GNA12: variants seen among roughly 807,000 people sequenced by gnomAD.
GNA12 encodes G protein subunit alpha 12.
GNA12 carries 9 observed loss-of-function variants against 26.0 expected under a neutral mutation model. That is an observed-to-expected ratio of 0.35 (90% CI 0.21 to 0.60). The LOEUF is 0.60. GNA12 is among the 20% of genes least tolerant of loss of function. The pLI is 0.78. For synonymous variants in GNA12, 264 were observed against 219.6 expected (o/e 1.20, Z -1.79); for missense variants, 405 against 525.8 (o/e 0.77, Z 2.25).
chr7:2,767,456 G>T (rs1791835734), intron 2 of GNA12, among the ~76,000 whole-genome samples: 1 of 152,160 alleles, frequency 6.6e-6, no homozygotes. Context: ...TAGCTATGCT[G>T]CATTCCACTG....
chr7:2,755,211 C>T (rs1204706418), intron 2 of GNA12, among the ~76,000 whole-genome samples: 3 of 152,198 alleles, frequency 2.0e-5, no homozygotes, highest in African/African-American at 7.2e-5. Context: ...GCCCCTCCCA[C>T]TTTATTCTTT....
intron 2 of GNA12, among the ~76,000 whole-genome samples, chr7:2,771,017 G>A (rs768499220): frequency 6.6e-6 from 1 of 152,190 alleles, no homozygotes; most frequent in Non-Finnish European, 1.5e-5. Flanking sequence ...AAGGCCAGGC[G>A]CCGTGGCTCA....
intron 2 of GNA12, chr7:2,762,808 GGCCTCCCATCC>G (rs765090858): frequency 5.7e-5 from 87 of 1,529,922 alleles, no homozygotes; most frequent in Non-Finnish European, 7.3e-5. Context: ...CACTCAGGGC[GGCCTCCCATCC>G]GCCACACACC....
In GNA12 at chr7:2,731,532, C is replaced by T. The variant is rs1405863468; in HGVS notation, c.795G>A (p.Arg265=). 1 of 1,611,818 alleles carries T rather than the reference C, an allele frequency of 6.2e-7. No homozygotes were observed. Among genetic ancestry groups the T allele is most frequent in the Non-Finnish European group, 8.5e-7 (1 of 1,178,488 alleles). ...SEYDQVLMED[R]RTNRLVESMN... is the part of the protein sequence containing the mutation. Reference sequence around the variant, plus strand: ...TGGACTCCACCAGCCGGTTGGTGCGCCTGTCCTCCATGAGGACCTGGTCGT... The same window carrying T: ...TGGACTCCACCAGCCGGTTGGTGCGTCTGTCCTCCATGAGGACCTGGTCGT... Residue 265 remains arginine, a synonymous_variant, in exon 4 of 4, where the codon AGG becomes AGA. Transcript: ENST00000275364. This position sits in a 1 kb window ranked among gnomAD's most constrained non-coding sequence, Gnocchi z 6.0.
intron 2 of GNA12, among the ~76,000 whole-genome samples, chr7:2,751,193 G>C (rs1456881423): frequency 1.3e-5 from 2 of 151,924 alleles, no homozygotes; most frequent in African/African-American, 4.8e-5. Context: ...TTCAAGACCT[G>C]GGCAACATGG....
Position 2,818,624 on chromosome 7 carries a change from A to G in GNA12, c.310-23481T>C, listed in dbSNP as rs113576097. ...ATAAAAATACAAACAATATTTGGGC[A>G]TGGTGGCGTAGCCCTGTAGTCCCAG... On this transcript the variant is annotated intron_variant, in intron 1 of 3. Transcript: ENST00000275364. Among the ~76,000 whole-genome samples the G allele has an allele frequency of 7.5e-3, 1,143 of 152,246 alleles. 15 individuals are homozygous for G. Among genetic ancestry groups the G allele is most frequent in the African/African-American group, 0.026 (1,082 of 41,546 alleles).
At chr7:2,787,625 C>G (rs141833057) in intron 2 of GNA12, among the ~76,000 whole-genome samples, 4 of 152,226 alleles carry the variant, frequency 2.6e-5, no homozygotes, top group African/African-American at 9.6e-5. Flanking sequence ...AGCCAAGACA[C>G]AGAGGCTTAA....
intron 1 of GNA12, chr7:2,814,784 T>A: frequency 8.3e-7 from 1 of 1,203,888 alleles, no homozygotes; most frequent in Non-Finnish European, 1.2e-6. Flanking sequence ...CTAGAAAGGG[T>A]TCCCTGACCT....
intron 2 of GNA12, among the ~76,000 whole-genome samples, chr7:2,780,431 C>A (rs546831433): frequency 2.0e-5 from 3 of 151,844 alleles, no homozygotes; most frequent in African/African-American, 7.3e-5. Context: ...ATGCACTAAC[C>A]GATAAAATAG....
At chr7:2,761,067 C>T (rs978735893) in intron 2 of GNA12, among the ~76,000 whole-genome samples, 4 of 152,198 alleles carry the variant, frequency 2.6e-5, no homozygotes, top group South Asian at 4.1e-4. Flanking sequence ...GAGTCAGGAA[C>T]GTAGCACGCA....
At chr7:2,788,811 C>G (rs115955774) in intron 2 of GNA12, among the ~76,000 whole-genome samples, 1 of 152,292 alleles carries the variant, frequency 6.6e-6, no homozygotes, top group African/African-American at 2.4e-5. Context: ...CTTGCCCCAT[C>G]TTACCTCCCC....
chr7:2,740,994 G>A (rs1318769975), intron 2 of GNA12, among the ~76,000 whole-genome samples: 1 of 152,210 alleles, frequency 6.6e-6, no homozygotes, highest in Non-Finnish European at 1.5e-5. Context: ...GCAGTGAGCT[G>A]AGATCGGGCC....
At chr7:2,787,219 A>G in intron 2 of GNA12, among the ~76,000 whole-genome samples, 1 of 152,280 alleles carries the variant, frequency 6.6e-6, no homozygotes, top group Admixed American at 6.5e-5. Flanking sequence ...GGTGTCTGGA[A>G]ACTGATGGCA....
intron 2 of GNA12, among the ~76,000 whole-genome samples, chr7:2,776,478 A>G (rs1486859901): frequency 1.3e-5 from 2 of 152,012 alleles, no homozygotes; most frequent in Non-Finnish European, 2.9e-5. Flanking sequence ...GGGAGTTAAA[A>G]CCCTGGCTAA....
At chr7:2,796,110 C>G (rs1792664909) in intron 1 of GNA12, among the ~76,000 whole-genome samples, 1 of 144,668 alleles carries the variant, frequency 6.9e-6, no homozygotes, top group African/African-American at 2.9e-5. Flanking sequence ...AGCTGATCCG[C>G]CCGCCTCAGC....
At chr7:2,785,939 C>A (rs1006912075) in intron 2 of GNA12, among the ~76,000 whole-genome samples, 1 of 152,134 alleles carries the variant, frequency 6.6e-6, no homozygotes, top group African/African-American at 2.4e-5. Flanking sequence ...TGGTGGCGGA[C>A]GCCTGTAATC....
chr7:2,770,350 A>G (rs1345776520), intron 2 of GNA12, among the ~76,000 whole-genome samples: 1 of 152,246 alleles, frequency 6.6e-6, no homozygotes, highest in African/African-American at 2.4e-5. Context: ...TTAGGCTCAA[A>G]TTGAGGCTCA....
chr7:2,743,203 G>A (rs982406016), intron 2 of GNA12, among the ~76,000 whole-genome samples: 4 of 152,172 alleles, frequency 2.6e-5, no homozygotes, highest in African/African-American at 9.7e-5. Flanking sequence ...CAAACTGAAA[G>A]GGGTCTCTGC....
intron 2 of GNA12, among the ~76,000 whole-genome samples, chr7:2,763,590 A>C (rs572335079): frequency 7.7e-4 from 118 of 152,338 alleles, no homozygotes; most frequent in African/African-American, 2.8e-3. Context: ...AACAAAAAAC[A>C]ATTATTTTAA....
Sources: gnomAD v4.1 joint callset for allele counts (sites outside exome capture counted in the v4.1 genomes callset) on GRCh38, gnomAD v4.1.1 for gene constraint, Gnocchi (gnomAD v3.1) non-coding constraint, MANE v1.5 for transcripts, NCBI Gene and HGNC (gene_info 2026-07-23, HGNC 2026-07-21) for gene names.